Variants in ZFPM2 observed in about 807,000 individuals in gnomAD.
The protein encoded by ZFPM2 is zinc finger protein ZFPM2.
In ZFPM2, 20 loss-of-function variants were observed where a neutral mutation model predicts 98.6. The observed-to-expected ratio is 0.20, with a 90% CI of 0.14 to 0.29. The LOEUF is 0.29. ZFPM2 is among the 10% of genes least tolerant of loss of function. The pLI is 1.00. For synonymous variants in ZFPM2, 518 were observed against 502.7 expected (o/e 1.03, Z -0.41); for missense variants, 1,310 against 1,388.6 (o/e 0.94, Z 0.90).
At chr8:105,610,010 C>T (rs1816276155) in intron 4 of ZFPM2, among the ~76,000 whole-genome samples, 1 of 152,212 alleles carries the variant, frequency 6.6e-6, no homozygotes, top group African/African-American at 2.4e-5. Context: ...GCCCTCTTGT[C>T]CTCAGATAGG....
intron 1 of ZFPM2, among the ~76,000 whole-genome samples, chr8:105,392,677 T>C (rs570649447): frequency 1.4e-4 from 22 of 152,298 alleles, no homozygotes; most frequent in Admixed American, 9.2e-4. Flanking sequence ...ATAATTTTTG[T>C]CGAAACTACT....
At chr8:105,512,209 A>C (rs1813831966) in intron 3 of ZFPM2, among the ~76,000 whole-genome samples, 1 of 152,210 alleles carries the variant, frequency 6.6e-6, no homozygotes, top group Non-Finnish European at 1.5e-5. Context: ...AGTCCTATTT[A>C]GACTAAATGT....
intron 3 of ZFPM2, among the ~76,000 whole-genome samples, chr8:105,515,113 A>G (rs1813892906): frequency 6.6e-6 from 1 of 152,220 alleles, no homozygotes; most frequent in African/African-American, 2.4e-5. Flanking sequence ...ACACTAAACA[A>G]AATCTCTTGA....
chr8:105,563,891 G>A (rs374362418), intron 4 of ZFPM2, among the ~76,000 whole-genome samples: 2 of 152,180 alleles, frequency 1.3e-5, no homozygotes, highest in African/African-American at 4.8e-5. Context: ...TGACATGCAA[G>A]ATGAACATTT....
At chr8:105,339,825 C>T (rs1812394341) in intron 1 of ZFPM2, among the ~76,000 whole-genome samples, 1 of 151,884 alleles carries the variant, frequency 6.6e-6, no homozygotes, top group Non-Finnish European at 1.5e-5. Flanking sequence ...TTTTTAAAAA[C>T]AATATTCTTT....
chr8:105,693,975 CTTTTCTTTTTTTTTTTTT>C (rs1290692736), intron 5 of ZFPM2, among the ~76,000 whole-genome samples: 8 of 108,530 alleles, frequency 7.4e-5, no homozygotes, highest in Admixed American at 4.8e-4. Flanking sequence ...TTCTTTTTTT[CTTTTCTTTTTTTTTTTTT>C]TTTTTTTTTG....
intron 3 of ZFPM2, among the ~76,000 whole-genome samples, chr8:105,484,749 T>C (rs965330902): frequency 6.6e-6 from 1 of 152,172 alleles, no homozygotes; most frequent in African/African-American, 2.4e-5. Context: ...TGAATTTGTG[T>C]ATTTATCTGT....
intron 1 of ZFPM2, among the ~76,000 whole-genome samples, chr8:105,332,494 A>G (rs1003903889): frequency 6.6e-6 from 1 of 151,754 alleles, no homozygotes; most frequent in African/African-American, 2.4e-5. Context: ...ATTGTTACCT[A>G]TATGTGTTAA....
At chr8:105,322,373 T>A (rs1563603062) in intron 1 of ZFPM2, among the ~76,000 whole-genome samples, 1 of 152,138 alleles carries the variant, frequency 6.6e-6, no homozygotes, top group Admixed American at 6.5e-5. Context: ...TCTAGTAATG[T>A]GTTTACTGCC....
At chr8:105,796,500 A>G (rs1181344530) in intron 6 of ZFPM2, among the ~76,000 whole-genome samples, 1 of 152,248 alleles carries the variant, frequency 6.6e-6, no homozygotes, top group African/African-American at 2.4e-5. Flanking sequence ...AATAAACAGT[A>G]GTAGCATATA....
At chr8:105,765,397 T>A (rs1243178761) in intron 5 of ZFPM2, among the ~76,000 whole-genome samples, 1 of 151,892 alleles carries the variant, frequency 6.6e-6, no homozygotes, top group Non-Finnish European at 1.5e-5. Flanking sequence ...TTAGCCACAG[T>A]ATGCCAGTAC....
intron 3 of ZFPM2, among the ~76,000 whole-genome samples, chr8:105,527,683 G>A (rs570768326): frequency 5.3e-5 from 8 of 152,290 alleles, no homozygotes; most frequent in African/African-American, 1.9e-4. Flanking sequence ...ACATATGCTG[G>A]ACTTTAAGAG....
Position 105,728,824 on chromosome 8 carries a change from G to T in ZFPM2, c.533-59894G>T, listed in dbSNP as rs1465937663. On this transcript the variant is annotated intron_variant, in intron 5 of 7. Coordinates refer to ENST00000407775, the MANE Select transcript of ZFPM2 (RefSeq NM_012082.4). ...GATTTATCTTTGAAATTCATTTAAA[G>T]TTGTAAAAGCAATTCCTTCTCTCCT... Among the ~76,000 whole-genome samples, 3 of 151,724 alleles carry T rather than the reference G, an allele frequency of 2.0e-5. No homozygotes were observed. In the East Asian group the frequency reaches 5.8e-4, roughly 30 times the overall value.
intron 2 of ZFPM2, among the ~76,000 whole-genome samples, chr8:105,439,346 G>A (rs1185604337): frequency 6.6e-6 from 1 of 152,152 alleles, no homozygotes; most frequent in Non-Finnish European, 1.5e-5. Context: ...TCCTCAACTG[G>A]AGGAGAGATG....
intron 3 of ZFPM2, among the ~76,000 whole-genome samples, chr8:105,510,685 T>C (rs1385626920): frequency 1.3e-5 from 2 of 152,274 alleles, no homozygotes; most frequent in South Asian, 2.1e-4. Context: ...CTGACAAGAA[T>C]TGATTGATTA....
chr8:105,705,796 C>A (rs549061843), intron 5 of ZFPM2, among the ~76,000 whole-genome samples: 2 of 152,058 alleles, frequency 1.3e-5, no homozygotes, highest in African/African-American at 2.4e-5. Flanking sequence ...ATAGAAGAAG[C>A]GTCAAAACTC....
intron 1 of ZFPM2, among the ~76,000 whole-genome samples, chr8:105,393,827 C>T (rs1208378838): frequency 4.6e-5 from 7 of 151,662 alleles, no homozygotes; most frequent in Non-Finnish European, 1.0e-4. Context: ...ATTATTATTC[C>T]TAACCACAAT....
intron 5 of ZFPM2, chr8:105,782,295 TGTC>T (rs1216803348): frequency 6.6e-6 from 1 of 152,232 alleles, no homozygotes; most frequent in Non-Finnish European, 1.5e-5. Context: ...AGTCTAAGGC[TGTC>T]ATTTGAAGTG....
rs192449110 is a variant in ZFPM2 at position 105,800,308 on chromosome 8, T to C, written c.965-739T>C. ...TGGGAGCTAGAGTCAATCTTAGTGA[T>C]GCTTACCCACCACAGTCAATGGTAA... On this transcript the variant is annotated intron_variant, in intron 7 of 7. Transcript: ENST00000407775. Among the ~76,000 whole-genome samples, 53 of 152,234 alleles carry C rather than the reference T, an allele frequency of 3.5e-4. 1 individual carries two copies. Among genetic ancestry groups the C allele is most frequent in the African/African-American group, 1.3e-3 (52 of 41,542 alleles).
Sources: allele counts gnomAD v4.1 joint callset (sites outside exome capture counted in the v4.1 genomes callset), GRCh38; gene constraint gnomAD v4.1.1; transcripts MANE v1.5; gene names NCBI Gene and HGNC (gene_info 2026-07-23, HGNC 2026-07-21).